The following ABCB1 variants were observed in gnomAD, a reference collection of about 807,000 sequenced individuals.
The protein encoded by ABCB1 is ATP binding cassette subfamily B member 1.
Under a neutral mutation model 142.0 loss-of-function variants are expected in ABCB1, and 69 were observed. The ratio of observed to expected loss-of-function variants is 0.49; its 90% confidence interval spans 0.40 to 0.59. The LOEUF is 0.59. Among genes scored for constraint, ABCB1 ranks in the 20% least tolerant of loss-of-function variants. The pLI, the probability that ABCB1 is intolerant of heterozygous loss-of-function variation, is 0.00. For synonymous variants in ABCB1, 532 were observed against 539.2 expected, an observed-to-expected ratio of 0.99 and a Z score of 0.18; for missense variants, 1,326 against 1,554.7, an observed-to-expected ratio of 0.85 and a Z score of 2.47.
intron 1 of ABCB1, chr7:87,628,756 C>T (rs113438578): frequency 1.2e-5 from 12 of 997,338 alleles, no homozygotes; most frequent in African/African-American, 6.7e-5. Flanking sequence ...GAGCGAGAAC[C>T]CCCTTAAGCA....
chr7:87,565,135 A>G (rs1209410335), intron 7 of ABCB1, among the ~76,000 whole-genome samples: 2 of 152,248 alleles, frequency 1.3e-5, no homozygotes, highest in African/African-American at 4.8e-5. Context: ...TCAATAAATG[A>G]TAATTATTAT....
chr7:87,618,658 A>C (rs911775344), intron 1 of ABCB1, among the ~76,000 whole-genome samples: 4 of 152,218 alleles, frequency 2.6e-5, no homozygotes, highest in Admixed American at 6.5e-5. Flanking sequence ...TCCTGTGATT[A>C]CATTACTTTG....
chr7:87,629,044 C>G (rs542653541), intron 1 of ABCB1: 1 of 1,114,528 alleles, frequency 9.0e-7, no homozygotes, highest in African/African-American at 1.6e-5. Flanking sequence ...GATGGGCTGC[C>G]GCCCAGTGCC....
chr7:87,646,158 A>G (rs1280994319), intron 1 of ABCB1, among the ~76,000 whole-genome samples: 2 of 152,186 alleles, frequency 1.3e-5, no homozygotes, highest in Admixed American at 6.5e-5. Flanking sequence ...TATGACACAG[A>G]TAGTATCTTC....
chr7:87,683,848 A>T (rs915857440), intron 1 of ABCB1, among the ~76,000 whole-genome samples: 1 of 152,254 alleles, frequency 6.6e-6, no homozygotes, highest in Non-Finnish European at 1.5e-5. Context: ...CGTGTAAAAA[A>T]TACAATATCT....
chr7:87,623,194 C>T (rs73200323), intron 1 of ABCB1, among the ~76,000 whole-genome samples: 1 of 152,118 alleles, frequency 6.6e-6, no homozygotes, highest in Non-Finnish European at 1.5e-5. Flanking sequence ...TATAATAATA[C>T]TTACTTTAGA....
intron 3 of ABCB1, among the ~76,000 whole-genome samples, chr7:87,588,353 G>A (rs1029283839): frequency 6.6e-6 from 1 of 151,956 alleles, no homozygotes; most frequent in Non-Finnish European, 1.5e-5. Flanking sequence ...CCTCCGAAAG[G>A]CCCCAATGTG....
At chr7:87,521,360 C>G (rs540560639) in intron 21 of ABCB1, 2 of 513,260 alleles carry the variant, frequency 3.9e-6, no homozygotes, top group Admixed American at 3.0e-5. Context: ...ATTTTAGATA[C>G]ATTCAAAGGC....
Position 87,544,308 on chromosome 7 carries a change from T to C in ABCB1, c.2065-33A>G, listed in dbSNP as rs544662613. 2.5e-6 allele frequency: 4 copies of C among 1,607,716 alleles called. No homozygotes were observed. The South Asian group carries it at 4.4e-5, about 18-fold the overall frequency. On this transcript the variant is annotated intron_variant, in intron 16 of 27. Transcript: ENST00000622132. ...ACACAAATTATTACAACAGGCTAGT[T>C]AAAAACTTTTATATGTACAATTCTT... is the stretch of plus-strand genomic sequence containing the variant.
At chr7:87,617,689 G>T (rs1019456211) in intron 1 of ABCB1, among the ~76,000 whole-genome samples, 7 of 152,112 alleles carry the variant, frequency 4.6e-5, no homozygotes, top group Non-Finnish European at 1.0e-4. Context: ...AATCATTTTG[G>T]GGCAGCAGTT....
At chr7:87,531,146 A>G (rs1313138035) in intron 21 of ABCB1, 148 bp downstream of exon 21, 1 of 733,178 alleles carries the variant, frequency 1.4e-6, no homozygotes, top group Non-Finnish European at 2.3e-6. Flanking sequence ...TAAGTTTCTA[A>G]TTTACTGAAT....
chr7:87,553,799 C>T lies in ABCB1; in HGVS notation c.961G>A (p.Val321Ile), dbSNP rs767576038. ...CCAATAGAATATTCCCCTGAGAGGA[C>T]CAAGGTGGTCCCATACCAGAAGGCC... is the stretch of plus-strand genomic sequence containing the variant. ...ALAFWYGTTL[V>I]LSGEYSIGQV... Residue 321 changes from valine (V) to isoleucine (I), a missense_variant, in exon 9 of 28, where the codon GTC becomes ATC. By Grantham distance (29) the Val-to-Ile change is conservative. Coordinates refer to ENST00000622132, the MANE Select transcript of ABCB1 (RefSeq NM_001348946.2). 1.2e-6 allele frequency: 2 copies of T among 1,614,090 alleles called. No homozygotes were observed. Among genetic ancestry groups the T allele is most frequent in the Non-Finnish European group, 1.7e-6 (2 of 1,179,994 alleles).
intron 4 of ABCB1, among the ~76,000 whole-genome samples, chr7:87,571,034 C>A (rs1469519556): frequency 2.6e-5 from 4 of 152,114 alleles, no homozygotes. Flanking sequence ...CATACTTATA[C>A]ACATATGTTA....
rs142805412 is a variant in ABCB1, at chr7:87,522,067, G to A, written c.2686-1191C>T. On this transcript the variant is annotated intron_variant, in intron 21 of 27. Coordinates refer to ENST00000622132, the MANE Select transcript of ABCB1 (RefSeq NM_001348946.2). ...GAGGCAAAGCAGCTCTGGGAACTTT[G>A]GTGGTGGTCGTGGAGGTAGTTTCGG... 8,516 of 1,126,078 alleles carry A rather than the reference G, an allele frequency of 7.6e-3. 65 individuals carry two copies. The highest frequency in any genetic ancestry group is 0.024 in the Middle Eastern group (85 of 3,546). The allele number at this position is 1,126,078 out of a possible 1,614,324, so 69.8% of individuals were successfully genotyped here.
chr7:87,679,002 G>A (rs971077833), intron 1 of ABCB1, among the ~76,000 whole-genome samples: 1 of 150,990 alleles, frequency 6.6e-6, no homozygotes, highest in African/African-American at 2.4e-5. Context: ...TCTCATAATA[G>A]TAGATCAAGT....
chr7:87,548,035 T>TAAGAA (rs1232708354), intron 14 of ABCB1, among the ~76,000 whole-genome samples: 97 of 131,646 alleles, frequency 7.4e-4, no homozygotes, highest in Middle Eastern at 7.6e-3. Context: ...AAAGATAAGA[T>TAAGAA]AAGATAAGAA....
At chr7:87,688,917 C>T (rs1361571655) in intron 1 of ABCB1, among the ~76,000 whole-genome samples, 1 of 151,766 alleles carries the variant, frequency 6.6e-6, no homozygotes, top group Non-Finnish European at 1.5e-5. Context: ...TATAACCAAA[C>T]TAGAATTTTC....
At chr7:87,583,846 G>C (rs949546506) in intron 4 of ABCB1, among the ~76,000 whole-genome samples, 2 of 152,168 alleles carry the variant, frequency 1.3e-5, no homozygotes, top group Non-Finnish European at 2.9e-5. Context: ...GCAAGATCTG[G>C]ATGGACAGAG....
chr7:87,705,455 A>G (rs1418691798), intron 1 of ABCB1, among the ~76,000 whole-genome samples: 1 of 152,150 alleles, frequency 6.6e-6, no homozygotes, highest in African/African-American at 2.4e-5. Flanking sequence ...AACAACAAAA[A>G]AAAACAATGA....
Sources: allele counts gnomAD v4.1 joint callset (sites outside exome capture counted in the v4.1 genomes callset), GRCh38; gene constraint gnomAD v4.1.1; transcripts MANE v1.5; gene names NCBI Gene and HGNC (gene_info 2026-07-23, HGNC 2026-07-21).